The following DEF6 variants were observed in gnomAD, a reference collection of about 807,000 sequenced individuals.
The protein encoded by DEF6 is differentially expressed in FDCP 6 homolog.
DEF6 carries 32 observed loss-of-function variants against 80.5 expected under a neutral mutation model. The observed-to-expected ratio is 0.40, with a 90% confidence interval of 0.30 to 0.53. The LOEUF is 0.53. DEF6 is among the 20% of genes least tolerant of loss of function. The probability of loss-of-function intolerance (pLI) is 0.57; values close to 1 mark genes in which losing one functional copy is unlikely to be tolerated. For synonymous variants in DEF6, 300 were observed against 337.9 expected (o/e 0.89, Z 1.23); for missense variants, 575 against 818.7 (o/e 0.70, Z 3.63).
Position 35,321,666 on chromosome 6 carries a change from T to G in DEF6, c.*256T>G. 8.0e-6 allele frequency: 3 copies of G among 372,894 alleles called. No homozygotes were observed. The highest frequency in any genetic ancestry group is 9.6e-6 in the Non-Finnish European group (2 of 208,512). The allele number at this position is 372,894 out of a possible 1,614,324, so 23.1% of individuals were successfully genotyped here. A position where few individuals can be genotyped will look rare whatever the true frequency, so the allele number is the denominator to read the frequency against. On this transcript the variant is annotated 3_prime_UTR_variant, in exon 11 of 11. Coordinates refer to ENST00000316637, the MANE Select transcript of DEF6 (RefSeq NM_022047.4). ...CTGTGCTTTAGACCCAAGGACCCGA[T>G]TCTTGGGCTAGGAAAGAGAGAACAA...
chr6:35,320,706 T>C (rs1398513504), intron 9 of DEF6, among the ~76,000 whole-genome samples, 178 bp from the exon 10 acceptor site: 1 of 152,212 alleles, frequency 6.6e-6, no homozygotes, highest in Non-Finnish European at 1.5e-5. Flanking sequence ...TCCCATGAAA[T>C]TGGAGGCAAA....
intron 1 of DEF6, among the ~76,000 whole-genome samples, chr6:35,298,685 C>T (rs973242348): frequency 1.2e-4 from 19 of 152,182 alleles, no homozygotes; most frequent in African/African-American, 4.6e-4. Context: ...GTTTTTCTCT[C>T]TCTTCCTCTA....
At chr6:35,303,335 A>G (rs960261185) in intron 1 of DEF6, among the ~76,000 whole-genome samples, 1 of 152,104 alleles carries the variant, frequency 6.6e-6, no homozygotes, top group Non-Finnish European at 1.5e-5. Context: ...GAGGGCATTC[A>G]TAGGTCCTCT....
chr6:35,299,032 C>T (rs138868404), intron 1 of DEF6, among the ~76,000 whole-genome samples: 134 of 152,264 alleles, frequency 8.8e-4, no homozygotes, highest in African/African-American at 2.8e-3. Flanking sequence ...GCCCCACCAC[C>T]GTTCCAACCC....
intron 5 of DEF6, among the ~76,000 whole-genome samples, chr6:35,316,788 T>C (rs1791529806): frequency 6.6e-6 from 1 of 152,192 alleles, no homozygotes; most frequent in Admixed American, 6.5e-5. Context: ...ACTCACAATA[T>C]TGTACAACCA....
chr6:35,310,866 A>G (rs1254980610), intron 3 of DEF6, among the ~76,000 whole-genome samples: 2 of 152,222 alleles, frequency 1.3e-5, no homozygotes, highest in African/African-American at 4.8e-5. Context: ...TTACACTTTC[A>G]TGAGGGTTCT....
At chr6:35,306,948 G>A (rs997143797) in intron 1 of DEF6, among the ~76,000 whole-genome samples, 1 of 152,246 alleles carries the variant, frequency 6.6e-6, no homozygotes, top group Admixed American at 6.5e-5. Context: ...AGTGGGAAAA[G>A]TGAAATCTTT....
rs571246574 is a variant in DEF6 at position 35,314,879 on chromosome 6, C to A, written c.807+2107C>A. ...TCCTGGAATATTTCTCCAATGTTTT[C>A]TTCTAGTAGTTTCATAGTTTCAGGT... On this transcript the variant is annotated intron_variant, in intron 5 of 10. Transcript: ENST00000316637. Among the ~76,000 whole-genome samples the A allele has an allele frequency of 2.6e-5, 4 of 152,282 alleles. No individual in the cohort carries two copies. In the South Asian group the frequency reaches 6.2e-4, roughly 24 times the overall value.
rs1422560591 is a variant in DEF6, at chr6:35,308,769, TTTTAA to T, written c.97-898_97-894del. On this transcript the variant is annotated intron_variant, in intron 1 of 10. Coordinates refer to ENST00000316637, the MANE Select transcript of DEF6 (RefSeq NM_022047.4). The stretch of plus-strand genomic sequence containing the variant: ...TAAAATAAAATAAAATAAAAAACAG[TTTTAA>T]TTAAATAAACCACCTCCTACAGTGA... Among the ~76,000 whole-genome samples the T allele has an allele frequency of 4.1e-5, 6 of 145,826 alleles. No homozygotes were observed. In the East Asian group the frequency reaches 9.8e-4, roughly 24 times the overall value.
intron 5 of DEF6, among the ~76,000 whole-genome samples, chr6:35,314,019 A>G (rs1791496667): frequency 6.6e-6 from 1 of 152,224 alleles, no homozygotes; most frequent in Non-Finnish European, 1.5e-5. Context: ...GAACCTTCAT[A>G]CAGTTTTCCA....
At chr6:35,311,221 C>T (rs530247032) in intron 3 of DEF6, among the ~76,000 whole-genome samples, 1 of 152,242 alleles carries the variant, frequency 6.6e-6, no homozygotes, top group African/African-American at 2.4e-5. Context: ...ATTTTCCCAT[C>T]CACCTGTACC....
At chr6:35,300,033 T>C (rs1791294599) in intron 1 of DEF6, among the ~76,000 whole-genome samples, 1 of 152,140 alleles carries the variant, frequency 6.6e-6, no homozygotes, top group Non-Finnish European at 1.5e-5. Flanking sequence ...TTTTTGTTGT[T>C]GTTTTAGAGA....
chr6:35,314,023 T>G (rs898242283), intron 5 of DEF6, among the ~76,000 whole-genome samples: 1 of 152,188 alleles, frequency 6.6e-6, no homozygotes, highest in African/African-American at 2.4e-5. Flanking sequence ...CTTCATACAG[T>G]TTTCCATAGT....
At chr6:35,299,343 C>G (rs1234219315) in intron 1 of DEF6, among the ~76,000 whole-genome samples, 1 of 152,206 alleles carries the variant, frequency 6.6e-6, no homozygotes, top group African/African-American at 2.4e-5. Context: ...ACCTCCCACC[C>G]TGTCCCTTTA....
chr6:35,310,348 C>G, intron 2 of DEF6, 111 bp from the exon 3 acceptor site: 1 of 1,177,974 alleles, frequency 8.5e-7, no homozygotes, highest in Admixed American at 2.0e-5. Context: ...GGGCCCTGGA[C>G]TTGGCCAGGT....
intron 1 of DEF6, among the ~76,000 whole-genome samples, chr6:35,299,953 T>C (rs1791293752): frequency 6.6e-6 from 1 of 152,152 alleles, no homozygotes; most frequent in African/African-American, 2.4e-5. Context: ...GAGAGAGTTA[T>C]ACAAGCAGGG....
intron 5 of DEF6, 49 bp from the exon 6 acceptor site, chr6:35,317,842 C>A: frequency 6.5e-7 from 1 of 1,540,374 alleles, no homozygotes; most frequent in Middle Eastern, 1.7e-4. Flanking sequence ...GCAGGTGGGG[C>A]CCTGACCCAG....
In DEF6 at chr6:35,312,844, G is replaced by T; in HGVS notation, c.807+72G>T. On this transcript the variant is annotated intron_variant, in intron 5 of 10. Transcript: ENST00000316637. This position sits in a 1 kb window ranked among gnomAD's most constrained non-coding sequence, Gnocchi z 6.6. ...CCTCAGGGGCATGAGAAGACAAGGG[G>T]GTCAGGAGAGGGGCAAATGGAGAAA... The T allele has an allele frequency of 6.6e-7, 1 of 1,507,918 alleles. No individual in the cohort carries two copies. The allele number at this position is 1,507,918 out of a possible 1,614,324, so 93.4% of individuals were successfully genotyped here.
chr6:35,318,061 G>T lies in DEF6; in HGVS notation c.916+62G>T. ...CTTAGGCGCCTCATCTGTGAAAAGGGGGTGATAATACTTTGTCCAGCGGGA... is the reference window on the plus strand; with the variant it reads ...CTTAGGCGCCTCATCTGTGAAAAGGTGGTGATAATACTTTGTCCAGCGGGA... On this transcript the variant is annotated intron_variant, in intron 6 of 10. Coordinates refer to ENST00000316637, the MANE Select transcript of DEF6 (RefSeq NM_022047.4). The surrounding 1 kb of genome is among the most constrained non-coding windows in gnomAD (Gnocchi z 5.1). 1.3e-6 allele frequency: 2 copies of T among 1,567,422 alleles called. No homozygotes were observed. The highest frequency in any genetic ancestry group is 2.3e-5 in the East Asian group (1 of 43,498).
Sources: allele counts gnomAD v4.1 joint callset (sites outside exome capture counted in the v4.1 genomes callset), GRCh38; gene constraint gnomAD v4.1.1; non-coding constraint Gnocchi (gnomAD v3.1); transcripts MANE v1.5; gene names NCBI Gene and HGNC (gene_info 2026-07-23, HGNC 2026-07-21).